Variants in DHRS12 observed in about 807,000 individuals in gnomAD.
The protein encoded by DHRS12 is dehydrogenase/reductase 12, also known as dehydrogenase/reductase SDR family member 12.
DHRS12 carries 29 observed loss-of-function variants against 32.1 expected under a neutral mutation model. That is an observed-to-expected ratio of 0.90 (90% CI 0.67 to 1.23). The LOEUF is 1.23. Among genes scored for constraint, DHRS12 ranks in the 50% most tolerant of loss-of-function variants. The pLI, the probability that DHRS12 is intolerant of heterozygous loss-of-function variation, is 0.00. For missense variants in DHRS12, 330 were observed against 337.2 expected, an observed-to-expected ratio of 0.98 and a Z score of 0.17; for synonymous variants, 150 against 135.9, an observed-to-expected ratio of 1.10 and a Z score of -0.72.
At chr13:51,800,067 T>C (rs1378739760) in intron 1 of DHRS12, among the ~76,000 whole-genome samples, 1 of 152,114 alleles carries the variant, frequency 6.6e-6, no homozygotes, top group East Asian at 1.9e-4. Context: ...AGGACAGATA[T>C]CCTTGCCTAC....
At chr13:51,780,826 A>T (rs1465898565) in intron 4 of DHRS12, among the ~76,000 whole-genome samples, 1 of 152,236 alleles carries the variant, frequency 6.6e-6, no homozygotes, top group African/African-American at 2.4e-5. Flanking sequence ...TATCTTGAGT[A>T]TGACATTTTA....
intron 2 of DHRS12, among the ~76,000 whole-genome samples, chr13:51,792,894 T>G (rs1937246462): frequency 6.6e-6 from 1 of 152,200 alleles, no homozygotes; most frequent in African/African-American, 2.4e-5. Flanking sequence ...AATTTACCTT[T>G]GCATGGATAT....
the DHRS12 span, chr13:51,762,770 C>T: frequency 6.6e-6 from 1 of 152,204 alleles, no homozygotes; most frequent in Non-Finnish European, 1.5e-5. Context: ...AAACATATAG[C>T]AGCTTTTACA....
intron 1 of DHRS12, chr13:51,803,838 T>C (rs1273460076): frequency 2.7e-6 from 1 of 372,102 alleles, no homozygotes; most frequent in African/African-American, 2.1e-5. Flanking sequence ...CGGGCGCCAG[T>C]CTCGGTCGCG....
chr13:51,796,556 G>C (rs1430330255), intron 2 of DHRS12, among the ~76,000 whole-genome samples: 2 of 152,162 alleles, frequency 1.3e-5, no homozygotes, highest in African/African-American at 4.8e-5. Context: ...GGTGGAATTA[G>C]ATATAAGCCA....
At chr13:51,755,426 AAT>A in the DHRS12 span, 2 of 1,614,212 alleles carry the variant, frequency 1.2e-6, no homozygotes, top group Non-Finnish European at 1.7e-6. Flanking sequence ...ACTTCAAGCA[AAT>A]GTGGGACAGT....
chr13:51,788,381 T>C (rs1955096177), intron 4 of DHRS12, among the ~76,000 whole-genome samples: 1 of 152,162 alleles, frequency 6.6e-6, no homozygotes, highest in South Asian at 2.1e-4. Context: ...ACCTGTGCCA[T>C]TTCATACAAG....
intron 2 of DHRS12, among the ~76,000 whole-genome samples, chr13:51,797,461 G>A (rs1380967529): frequency 2.0e-5 from 3 of 152,142 alleles, no homozygotes; most frequent in African/African-American, 7.2e-5. Flanking sequence ...AGAGCACATC[G>A]GGTCAATGCA....
At chr13:51,758,262 G>A in the DHRS12 span, 1 of 1,601,734 alleles carries the variant, frequency 6.2e-7, no homozygotes, top group Non-Finnish European at 8.5e-7. Flanking sequence ...TGCAACCAGA[G>A]GATGGTTACT....
chr13:51,802,203 ACACACACACACACAC>A (rs1378603463), intron 1 of DHRS12, among the ~76,000 whole-genome samples: 174 of 138,276 alleles, frequency 1.3e-3, no homozygotes, highest in African/African-American at 2.8e-3. Context: ...ACACACACAC[ACACACACACACACAC>A]GACTTTCCCA....
chr13:51,768,006 TGA>T lies in DHRS12; in HGVS notation c.*179_*180del. On this transcript the variant is annotated 3_prime_UTR_variant, in exon 9 of 9. Coordinates refer to ENST00000444610, the MANE Select transcript of DHRS12 (RefSeq NM_001377533.1). ...CTGCTGCAGGAGTTCAAGGTGAGCC[TGA>T]TCACAGCCTCGGTAGTATTTATTTT... 7.1e-7 allele frequency: 1 copy of T among 1,414,200 alleles called. No homozygotes were observed. Among genetic ancestry groups the T allele is most frequent in the African/African-American group, 1.4e-5 (1 of 69,446 alleles). 87.6% of individuals were successfully genotyped at this position (1,414,200 alleles called of 1,614,324 possible).
At chr13:51,768,725 GC>G (rs1953869455) in intron 8 of DHRS12, 1 of 1,124,604 alleles carries the variant, frequency 8.9e-7, no homozygotes, top group Non-Finnish European at 1.1e-6. Flanking sequence ...CCCCTTAGGA[GC>G]CCACTGGGGA....
intron 1 of DHRS12, among the ~76,000 whole-genome samples, chr13:51,802,455 G>A (rs1308493635): frequency 1.3e-5 from 2 of 152,238 alleles, no homozygotes; most frequent in Non-Finnish European, 2.9e-5. Flanking sequence ...AGGTGACAGG[G>A]ATGGGGAGGA....
At chr13:51,788,723 T>G (rs1955115275) in intron 4 of DHRS12, among the ~76,000 whole-genome samples, 1 of 151,926 alleles carries the variant, frequency 6.6e-6, no homozygotes, top group South Asian at 2.1e-4. Flanking sequence ...TAGTCAGGCA[T>G]GGTGGTACAT....
chr13:51,791,141 T>C, intron 3 of DHRS12, 24 bp downstream of exon 3: 2 of 1,480,028 alleles, frequency 1.4e-6, no homozygotes, highest in Non-Finnish European at 1.8e-6. Context: ...GAATTTATTC[T>C]CCACTTATGT....
At chr13:51,755,512 C>A in the DHRS12 span, 2,744 of 1,556,526 alleles carry the variant, frequency 1.8e-3, 21 homozygotes, top group African/African-American at 0.017. Flanking sequence ...ATAGCTCAAC[C>A]ATGTGATCTT....
At chr13:51,768,573 C>T (rs1953859793) in intron 8 of DHRS12, 1 of 1,289,598 alleles carries the variant, frequency 7.8e-7, no homozygotes, top group African/African-American at 1.5e-5. Context: ...CTCCCGGATA[C>T]CCCAGGGGTC....
At chr13:51,792,186 T>C (rs965915075) in intron 2 of DHRS12, among the ~76,000 whole-genome samples, 12 of 152,224 alleles carry the variant, frequency 7.9e-5, no homozygotes, top group Admixed American at 6.5e-4. Flanking sequence ...CTGTTTTCCA[T>C]AGAGGCTGCA....
In DHRS12 at chr13:51,769,648, C is replaced by G. The variant is rs1285974438; in HGVS notation, c.560-355G>C. 4.6e-5 allele frequency among the ~76,000 whole-genome samples: 7 copies of G among 152,152 alleles called. No homozygotes were observed. The East Asian group carries it at 1.4e-3, about 29-fold the overall frequency. ...TGTGGGGCTCACAGTGAGGCTGGGC[C>G]CAGCAAACCACTTAGTCTCCTGGGT... On this transcript the variant is annotated intron_variant, in intron 7 of 8. Coordinates refer to ENST00000444610, the MANE Select transcript of DHRS12 (RefSeq NM_001377533.1).
Sources: gnomAD v4.1 joint callset for allele counts (sites outside exome capture counted in the v4.1 genomes callset) on GRCh38, gnomAD v4.1.1 for gene constraint, MANE v1.5 for transcripts, NCBI Gene and HGNC (gene_info 2026-07-23, HGNC 2026-07-21) for gene names.